Variants in MYO3A observed in about 807,000 individuals in gnomAD.
MYO3A encodes the protein myosin IIIA.
A neutral mutation model predicts 192.7 loss-of-function variants in MYO3A; 180 were observed. That is an observed-to-expected ratio of 0.93 (90% CI 0.83 to 1.06). The LOEUF is 1.06. Ranked by LOEUF, MYO3A falls within the 50% of genes least tolerant of loss-of-function variation. The pLI, the probability that MYO3A is intolerant of heterozygous loss-of-function variation, is 0.00. For missense variants in MYO3A, 1,896 were observed against 1,905.0 expected, an observed-to-expected ratio of 1.00 and a Z score of 0.09; for synonymous variants, 628 against 645.3, an observed-to-expected ratio of 0.97 and a Z score of 0.41.
chr10:25,946,520 C>CTTTTT (rs35754342), intron 2 of MYO3A, among the ~76,000 whole-genome samples: 2 of 142,226 alleles, frequency 1.4e-5, no homozygotes, highest in African/African-American at 2.6e-5. Flanking sequence ...TTAAGTTTCC[C>CTTTTT]TTTTTTTTTT....
intron 4 of MYO3A, among the ~76,000 whole-genome samples, chr10:25,995,357 A>G (rs1840356626): frequency 1.3e-5 from 2 of 152,318 alleles, no homozygotes. Flanking sequence ...CAGCTCCATC[A>G]GGTCCTTTAA....
At chr10:25,940,997 T>G (rs1297477431) in intron 2 of MYO3A, among the ~76,000 whole-genome samples, 2 of 152,264 alleles carry the variant, frequency 1.3e-5, no homozygotes, top group African/African-American at 4.8e-5. Context: ...TTGCCTTTTC[T>G]CCATTCTCTT....
intron 26 of MYO3A, among the ~76,000 whole-genome samples, chr10:26,160,429 T>C (rs12247347): frequency 2.6e-5 from 4 of 151,994 alleles, no homozygotes; most frequent in East Asian, 3.9e-4. Flanking sequence ...GATCATTTGA[T>C]GCCAGGAGTT....
rs770359954 is a variant in MYO3A at position 25,954,955 on chromosome 10, A to T, written c.250A>T (p.Ile84Leu). Residue 84 changes from isoleucine (I) to leucine (L), a missense_variant, in exon 4 of 35, where the codon ATA (isoleucine) becomes TTA (leucine). Ile to Leu is a conservative substitution (Grantham distance 5). Coordinates refer to ENST00000642920, the MANE Select transcript of MYO3A (RefSeq NM_017433.5). The part of the protein sequence containing the change: ...DHPNVVRFYG[I>L]YFKKDKVNGD... ...CCCTAATGTGGTCAGATTCTATGGG[A>T]TATACTTTAAGAAGGATAAAGTAAA... 1.1e-4 allele frequency: 182 copies of T among 1,612,860 alleles called. No homozygotes were observed. The highest frequency in any genetic ancestry group is 1.5e-4 in the Non-Finnish European group (172 of 1,179,204).
intron 20 of MYO3A, among the ~76,000 whole-genome samples, chr10:26,131,158 T>C (rs1199388934): frequency 2.0e-5 from 3 of 152,336 alleles, no homozygotes; most frequent in East Asian, 3.9e-4. Context: ...ATTATTTTTA[T>C]TGACAGTTGT....
intron 6 of MYO3A, among the ~76,000 whole-genome samples, chr10:25,998,332 G>A (rs1840578977): frequency 6.6e-6 from 1 of 152,176 alleles, no homozygotes; most frequent in South Asian, 2.1e-4. Flanking sequence ...GCTTAGCCCA[G>A]GAATGAATTT....
At chr10:26,071,420 AG>A in intron 14 of MYO3A, among the ~76,000 whole-genome samples, 1 of 152,212 alleles carries the variant, frequency 6.6e-6, no homozygotes, top group Non-Finnish European at 1.5e-5. Flanking sequence ...TAAAACCAAA[AG>A]CCATAAAATT....
At chr10:26,106,690 G>A (rs556259393) in intron 17 of MYO3A, among the ~76,000 whole-genome samples, 1 of 152,124 alleles carries the variant, frequency 6.6e-6, no homozygotes, top group East Asian at 1.9e-4. Flanking sequence ...TAGGAATTCT[G>A]CTGAATTTTA....
rs766224587 is a variant in MYO3A at position 26,205,479 on chromosome 10, T to TGGG, written c.4730+2379_4730+2381dup. On this transcript the variant is annotated intron_variant, in intron 34 of 34. Transcript: ENST00000642920. ...TGTGCTTGTCTTTTTTTTTTTTTTT[T>TGGG]GGGGGGGGGCTTCCATGTATAAGTG... Among the ~76,000 whole-genome samples, 1,025 of 133,224 alleles carry TGGG rather than the reference T, an allele frequency of 7.7e-3. 38 individuals are homozygous for TGGG. The highest frequency in any genetic ancestry group is 0.03 in the African/African-American group (948 of 31,210). 87.4% of individuals were successfully genotyped at this position (133,224 alleles called of 152,430 possible).
At chr10:26,077,090 A>G (rs977934455) in intron 14 of MYO3A, among the ~76,000 whole-genome samples, 5 of 151,944 alleles carry the variant, frequency 3.3e-5, no homozygotes, top group Non-Finnish European at 1.5e-5. Flanking sequence ...TTTTGGCAGT[A>G]TTGTCATTTT....
chr10:25,967,437 T>C (rs892804360), intron 4 of MYO3A, among the ~76,000 whole-genome samples: 1 of 152,216 alleles, frequency 6.6e-6, no homozygotes, highest in Non-Finnish European at 1.5e-5. Context: ...AAGAGCTACC[T>C]GAAAAGTTCA....
At chr10:26,178,810 A>T (rs1842459646) in intron 31 of MYO3A, among the ~76,000 whole-genome samples, 1 of 151,406 alleles carries the variant, frequency 6.6e-6, no homozygotes, top group African/African-American at 2.4e-5. Context: ...TTATTTATTT[A>T]TTTATTTTTG....
intron 26 of MYO3A, among the ~76,000 whole-genome samples, chr10:26,164,791 C>CG (rs962520429): frequency 2.0e-5 from 3 of 152,088 alleles, no homozygotes; most frequent in Admixed American, 2.0e-4. Flanking sequence ...AGGAAAGGTG[C>CG]GGGGGCTGCC....
At chr10:26,025,919 T>C (rs1213212528) in intron 9 of MYO3A, among the ~76,000 whole-genome samples, 1 of 152,180 alleles carries the variant, frequency 6.6e-6, no homozygotes, top group Non-Finnish European at 1.5e-5. Context: ...TTTTATCACA[T>C]AGAAAGAAAC....
intron 17 of MYO3A, among the ~76,000 whole-genome samples, chr10:26,116,834 C>T (rs1017959942): frequency 6.6e-6 from 1 of 152,120 alleles, no homozygotes; most frequent in African/African-American, 2.4e-5. Context: ...CCATAGATGC[C>T]AGTAGCACTC....
At chr10:25,986,340 T>C (rs948401064) in intron 4 of MYO3A, among the ~76,000 whole-genome samples, 2 of 152,218 alleles carry the variant, frequency 1.3e-5, no homozygotes, top group African/African-American at 4.8e-5. Context: ...AACATAGTAC[T>C]CGAATTCCTT....
At chr10:25,964,526 G>A (rs867437332) in intron 4 of MYO3A, among the ~76,000 whole-genome samples, 1 of 151,966 alleles carries the variant, frequency 6.6e-6, no homozygotes, top group African/African-American at 2.4e-5. Context: ...ACTTTTTGTT[G>A]TTTCTATTTA....
At chr10:26,180,055 G>C (rs1036372895) in intron 31 of MYO3A, among the ~76,000 whole-genome samples, 1 of 151,892 alleles carries the variant, frequency 6.6e-6, no homozygotes, top group Admixed American at 6.6e-5. Context: ...GGCTGGTCTT[G>C]AACTCCTGAC....
intron 32 of MYO3A, among the ~76,000 whole-genome samples, chr10:26,200,052 A>G (rs192074244): frequency 3.1e-4 from 47 of 152,340 alleles, no homozygotes; most frequent in African/African-American, 1.1e-3. Flanking sequence ...AGGGCATTGG[A>G]TCAAGAATGT....
Sources: gnomAD v4.1 joint callset for allele counts (sites outside exome capture counted in the v4.1 genomes callset) on GRCh38, gnomAD v4.1.1 for gene constraint, MANE v1.5 for transcripts, NCBI Gene and HGNC (gene_info 2026-07-23, HGNC 2026-07-21) for gene names.